GRM3: variants seen among roughly 807,000 people sequenced by gnomAD.
GRM3 encodes the protein glutamate metabotropic receptor 3.
A neutral mutation model predicts 70.5 loss-of-function variants in GRM3; 26 were observed. The ratio of observed to expected loss-of-function variants is 0.37; its 90% CI spans 0.27 to 0.51. GRM3 has a LOEUF of 0.51. Among genes scored for constraint, GRM3 ranks in the 20% least tolerant of loss-of-function variants. GRM3 has a pLI of 0.93. For missense variants in GRM3, 859 were observed against 1,123.8 expected, an observed-to-expected ratio of 0.76 and a Z score of 3.37; for synonymous variants, 443 against 434.9, an observed-to-expected ratio of 1.02 and a Z score of -0.23.
intron 3 of GRM3, among the ~76,000 whole-genome samples, chr7:86,800,171 T>C (rs1315153931): frequency 6.6e-6 from 1 of 152,146 alleles, no homozygotes; most frequent in East Asian, 1.9e-4. Flanking sequence ...TAGCACTAAA[T>C]TCCCACATCA....
chr7:86,833,154 A>G lies in GRM3; in HGVS notation c.1325-5685A>G, dbSNP rs891361092. The G allele has an allele frequency of 8.4e-6, 8 of 956,752 alleles. No individual in the cohort carries two copies. The African/African-American group carries it at 1.4e-4, about 17-fold the overall frequency. 59.3% of individuals were successfully genotyped at this position (956,752 alleles called of 1,614,324 possible). A position where few individuals can be genotyped will look rare whatever the true frequency, so the allele number is the denominator to read the frequency against. ...AATTCCCTGGAGTTTCTTCACGCCA[A>G]AGAACTATGCATATTCTCACTCACA... On this transcript the variant is annotated intron_variant, in intron 3 of 5. Transcript: ENST00000361669.
intron 2 of GRM3, chr7:86,784,218 T>C (rs187377294): frequency 4.1e-5 from 5 of 120,884 alleles, no homozygotes; most frequent in Admixed American, 2.3e-4. Context: ...AACTTTTTTG[T>C]TTTTTTTTTG....
intron 1 of GRM3, among the ~76,000 whole-genome samples, chr7:86,691,029 A>G (rs1167148292): frequency 6.6e-6 from 1 of 152,148 alleles, no homozygotes; most frequent in Non-Finnish European, 1.5e-5. Flanking sequence ...GTTTCTTTAA[A>G]AATTCTGCTT....
chr7:86,773,708 T>G (rs968924931), intron 2 of GRM3, among the ~76,000 whole-genome samples: 2 of 152,134 alleles, frequency 1.3e-5, no homozygotes, highest in African/African-American at 4.8e-5. Flanking sequence ...ATTCAAGGAC[T>G]TCATCACAGG....
At chr7:86,832,245 C>CTTTTTTT (rs371453726) in intron 3 of GRM3, among the ~76,000 whole-genome samples, 7 of 112,324 alleles carry the variant, frequency 6.2e-5, no homozygotes, top group African/African-American at 1.9e-4. Context: ...TGCTTGTAGC[C>CTTTTTTT]TTTTTTTTTT....
chr7:86,857,388 A>G (rs1051239275), intron 5 of GRM3, among the ~76,000 whole-genome samples: 6 of 152,164 alleles, frequency 3.9e-5, no homozygotes, highest in African/African-American at 7.2e-5. Flanking sequence ...AAGAAATGAG[A>G]AAGTACTAGA....
At chr7:86,711,729 C>T (rs1214907611) in intron 1 of GRM3, among the ~76,000 whole-genome samples, 2 of 152,238 alleles carry the variant, frequency 1.3e-5, no homozygotes, top group East Asian at 3.9e-4. Context: ...AAGCCAGGCA[C>T]ACTCTAAAGC....
chr7:86,859,329 CA>C (rs77774394), intron 5 of GRM3, among the ~76,000 whole-genome samples: 2,506 of 152,216 alleles, frequency 0.016, 52 homozygotes, highest in East Asian at 0.092. Flanking sequence ...GCAAGAATAC[CA>C]AACCAATGGG....
intron 3 of GRM3, among the ~76,000 whole-genome samples, chr7:86,801,405 T>A (rs1797680647): frequency 6.6e-6 from 1 of 152,160 alleles, no homozygotes; most frequent in Admixed American, 6.5e-5. Context: ...TTCTTCATGA[T>A]AAAGCAAAGA....
In GRM3 at chr7:86,786,550, G is replaced by A. The variant is rs1410689172; in HGVS notation, c.758G>A (p.Arg253His). The A allele has an allele frequency of 6.2e-7, 1 of 1,614,038 alleles. No homozygotes were observed. Among genetic ancestry groups the A allele is most frequent in the Non-Finnish European group, 8.5e-7 (1 of 1,180,056 alleles). The change falls in exon 3 of 6, where the codon CGC becomes CAC. Residue 253 changes from arginine (R) to histidine (H), a missense_variant. By Grantham distance (29) the Arg-to-His change is conservative. Transcript: ENST00000361669. The surrounding 1 kb of genome is among the most constrained non-coding windows in gnomAD (Gnocchi z 6.0). ...TAEKVGRSNI[R>H]KSYDSVIREL... ...GAGAAGGTGGGCCGCTCCAACATCC[G>A]CAAGTCCTACGACAGCGTGATCCGA...
intron 3 of GRM3, among the ~76,000 whole-genome samples, chr7:86,788,216 G>A (rs183823404): frequency 1.2e-4 from 19 of 152,212 alleles, no homozygotes; most frequent in African/African-American, 3.6e-4. Flanking sequence ...TACCATTGGC[G>A]CAAATGGCAG....
intron 1 of GRM3, among the ~76,000 whole-genome samples, chr7:86,661,173 A>G (rs1456772528): frequency 6.6e-6 from 1 of 151,948 alleles, no homozygotes; most frequent in African/African-American, 2.4e-5. Flanking sequence ...CCTAAGAATC[A>G]CCCCGAACAA....
intron 1 of GRM3, chr7:86,645,075 G>T (rs142340812): frequency 4.9e-5 from 17 of 349,756 alleles, no homozygotes; most frequent in Non-Finnish European, 9.0e-5. Flanking sequence ...GTGCGCCCAC[G>T]TCTGTGTCTG....
At chr7:86,794,220 CAT>C (rs1797493959) in intron 3 of GRM3, among the ~76,000 whole-genome samples, 1 of 152,050 alleles carries the variant, frequency 6.6e-6, no homozygotes, top group African/African-American at 2.4e-5. Flanking sequence ...GAGTTAAAAA[CAT>C]AGTTTTTTCC....
At chr7:86,729,711 C>A (rs757627322) in intron 1 of GRM3, among the ~76,000 whole-genome samples, 2 of 152,098 alleles carry the variant, frequency 1.3e-5, no homozygotes, top group African/African-American at 2.4e-5. Flanking sequence ...AAATAATTTA[C>A]AAATCACACA....
At chr7:86,794,023 G>A (rs565935732) in intron 3 of GRM3, among the ~76,000 whole-genome samples, 19 of 151,946 alleles carry the variant, frequency 1.3e-4, no homozygotes, top group Non-Finnish European at 2.6e-4. Flanking sequence ...ATGTTTACAG[G>A]AATATCACTT....
intron 3 of GRM3, among the ~76,000 whole-genome samples, chr7:86,819,464 C>A (rs763848987): frequency 6.6e-6 from 1 of 152,026 alleles, no homozygotes; most frequent in Non-Finnish European, 1.5e-5. Flanking sequence ...CTAAAGCCAA[C>A]AAAAGAAGTG....
At chr7:86,838,666 A>G (rs1798504111) in intron 3 of GRM3, among the ~76,000 whole-genome samples, 173 bp from the exon 4 acceptor site, 1 of 152,254 alleles carries the variant, frequency 6.6e-6, no homozygotes, top group Admixed American at 6.5e-5. Context: ...GTATAAATGC[A>G]TGAGCACTTT....
At chr7:86,791,453 T>C (rs1471892100) in intron 3 of GRM3, among the ~76,000 whole-genome samples, 6 of 152,040 alleles carry the variant, frequency 3.9e-5, no homozygotes, top group African/African-American at 1.4e-4. Context: ...CCAAATATCA[T>C]TAAAGCTGGA....
Sources: allele counts gnomAD v4.1 joint callset (sites outside exome capture counted in the v4.1 genomes callset), GRCh38; gene constraint gnomAD v4.1.1; non-coding constraint Gnocchi (gnomAD v3.1); transcripts MANE v1.5; gene names NCBI Gene and HGNC (gene_info 2026-07-23, HGNC 2026-07-21).